SYNJ1: variants seen among roughly 807,000 people sequenced by gnomAD.
SYNJ1 encodes the protein polyphosphatidylinositol phosphatase SYNJ1.
A neutral mutation model predicts 168.2 loss-of-function variants in SYNJ1; 78 were observed. The observed-to-expected ratio is 0.46, with a 90% CI of 0.39 to 0.56. The LOEUF (loss-of-function observed/expected upper bound fraction) is 0.56, where lower values mean the gene tolerates loss of function less well. Among genes scored for constraint, SYNJ1 ranks in the 20% least tolerant of loss-of-function variants. SYNJ1 has a pLI of 0.00. For missense variants in SYNJ1, 1,303 were observed against 1,597.6 expected (o/e 0.82, Z 3.14); for synonymous variants, 539 against 548.6 (o/e 0.98, Z 0.24).
chr21:32,647,719 T>C (rs1404326567), intron 23 of SYNJ1, among the ~76,000 whole-genome samples: 1 of 152,154 alleles, frequency 6.6e-6, no homozygotes, highest in African/African-American at 2.4e-5. Context: ...CATAACCCCA[T>C]CCCTGCACTG....
rs112073904 is a variant in SYNJ1 at position 32,664,119 on chromosome 21, T to C, written c.2304+794A>G. On this transcript the variant is annotated intron_variant, in intron 18 of 32. Coordinates refer to ENST00000674351, the MANE Select transcript of SYNJ1 (RefSeq NM_203446.3). ...ATAATAGTAATAGGAACCTGCTTAC[T>C]GCTCCCTTGTTTGCTACTTGTACTT... Among the ~76,000 whole-genome samples, 11 of 152,364 alleles carry C rather than the reference T, an allele frequency of 7.2e-5. 1 individual carries two copies. Among genetic ancestry groups the C allele is most frequent in the African/African-American group, 2.6e-4 (11 of 41,594 alleles).
intron 3 of SYNJ1, among the ~76,000 whole-genome samples, chr21:32,700,321 C>G (rs556809406): frequency 6.6e-6 from 1 of 152,154 alleles, no homozygotes; most frequent in East Asian, 1.9e-4. Context: ...TAATCTCACA[C>G]GAAATTGTTC....
intron 26 of SYNJ1, among the ~76,000 whole-genome samples, chr21:32,643,723 T>TA (rs2039947191): frequency 1.3e-5 from 2 of 152,178 alleles, no homozygotes; most frequent in African/African-American, 4.8e-5. Flanking sequence ...GTAGGGAATT[T>TA]AAAAAATATG....
chr21:32,641,746 G>A (rs1486590737), intron 29 of SYNJ1, 150 bp downstream of exon 29: 15 of 544,748 alleles, frequency 2.8e-5, no homozygotes, highest in African/African-American at 1.9e-5. Context: ...TGTTAGAGTC[G>A]GAAGATCATC....
chr21:32,678,534 A>G, intron 12 of SYNJ1, 111 bp downstream of exon 12: 1 of 1,179,464 alleles, frequency 8.5e-7, no homozygotes, highest in Non-Finnish European at 1.1e-6. Flanking sequence ...CTTTACAGAA[A>G]TCCCTTCAAA....
intron 9 of SYNJ1, 42 bp downstream of exon 9, chr21:32,685,706 T>G: frequency 7.1e-7 from 1 of 1,414,022 alleles, no homozygotes; most frequent in Non-Finnish European, 9.3e-7. Context: ...AATTTTTAAT[T>G]AATGTTCCAA....
At position 32,646,624 on chromosome 21, in the gene SYNJ1, C is replaced by G. The variant is rs373807540; in HGVS notation, c.3038-22G>C. ...TCACCTAAGGAAAAGCAGGCTTGATCAGAGATAACTCCATTTTAACTTGCT... is the reference window on the plus strand; with the variant it reads ...TCACCTAAGGAAAAGCAGGCTTGATGAGAGATAACTCCATTTTAACTTGCT... On this transcript the variant is annotated intron_variant, in intron 23 of 32. Transcript: ENST00000674351. 5.8e-5 allele frequency: 92 copies of G among 1,583,136 alleles called. No individual in the cohort carries two copies. The African/African-American group carries it at 1.2e-3, about 20-fold the overall frequency.
intron 2 of SYNJ1, among the ~76,000 whole-genome samples, chr21:32,719,846 T>G (rs1164605315): frequency 1.3e-5 from 2 of 152,108 alleles, no homozygotes; most frequent in Admixed American, 1.3e-4. Context: ...TTTTTTTTTT[T>G]GAACAGCTAC....
intron 21 of SYNJ1, among the ~76,000 whole-genome samples, chr21:32,656,477 T>G (rs2040460270): frequency 6.6e-6 from 1 of 152,184 alleles, no homozygotes; most frequent in Non-Finnish European, 1.5e-5. Context: ...TTAAACTTTC[T>G]AAGTTGAGAA....
At chr21:32,657,286 G>C (rs1461975140) in intron 19 of SYNJ1, among the ~76,000 whole-genome samples, 166 bp from the exon 20 acceptor site, 1 of 152,170 alleles carries the variant, frequency 6.6e-6, no homozygotes, top group Non-Finnish European at 1.5e-5. Context: ...AAATTCGAAA[G>C]GTTTTGGTAA....
At chr21:32,665,892 TTAAAA>T in intron 17 of SYNJ1, 46 bp downstream of exon 17, 1 of 1,494,048 alleles carries the variant, frequency 6.7e-7, no homozygotes, top group Non-Finnish European at 8.9e-7. Flanking sequence ...TTGGGGCAAA[TTAAAA>T]TATATTTCAA....
chr21:32,710,630 T>C (rs998435579), intron 2 of SYNJ1, among the ~76,000 whole-genome samples: 1 of 152,256 alleles, frequency 6.6e-6, no homozygotes, highest in East Asian at 1.9e-4. Flanking sequence ...GCTCAAGCGA[T>C]TCTCCCGCCT....
chr21:32,687,421 G>A lies in SYNJ1; in HGVS notation c.852-347C>T, dbSNP rs115321181. Among the ~76,000 whole-genome samples the A allele has an allele frequency of 1.2e-3, 179 of 152,308 alleles. 1 individual carries two copies. Among genetic ancestry groups the A allele is most frequent in the African/African-American group, 4.1e-3 (172 of 41,562 alleles). ...GATGGCAAAGGGCTGCTGCTCACAT[G>A]TGAGGACATCACCTACTCCGTTGAG... On this transcript the variant is annotated intron_variant, in intron 7 of 32. Coordinates refer to ENST00000674351, the MANE Select transcript of SYNJ1 (RefSeq NM_203446.3).
intron 25 of SYNJ1, 68 bp from the exon 26 acceptor site, chr21:32,645,074 G>C (rs1165840267): frequency 6.8e-7 from 1 of 1,466,482 alleles, no homozygotes; most frequent in African/African-American, 1.4e-5. Context: ...AAATGTCAAA[G>C]ATTGCTATAG....
Position 32,656,816 on chromosome 21 carries a change from T to G in SYNJ1, c.2666A>C (p.Gln889Pro). The change falls in exon 21 of 33, where the codon CAG (glutamine) becomes CCG (proline). Residue 889 changes from glutamine (Q) to proline (P), a missense_variant. Gln to Pro is a moderately conservative substitution (Grantham distance 76). Around this residue, in one of 2 missense-constraint regions of SYNJ1, gnomAD observed 920 missense variants for 1,208.8 expected, o/e 0.76. Coordinates refer to ENST00000674351, the MANE Select transcript of SYNJ1 (RefSeq NM_203446.3). ...CAATACTGTACCATCTGGTGGACCC[T>G]GAACTGCAATTACTTCTTTATAAAT... ...QNIYKEVIAV[Q>P]GPPDGTVLVS... 1 of 1,614,194 alleles carries G rather than the reference T, an allele frequency of 6.2e-7. No homozygotes were observed. The highest frequency in any genetic ancestry group is 2.2e-5 in the East Asian group (1 of 44,872).
chr21:32,669,139 C>T lies in SYNJ1; in HGVS notation c.1811+1149G>A, dbSNP rs555103102. On this transcript the variant is annotated intron_variant, in intron 15 of 32. Transcript: ENST00000674351. ...ACAAAGCACTTGTGTTGCATACTGA[C>T]TTATGATCTGTAACAAAAAAAGAAA... 2.6e-5 allele frequency among the ~76,000 whole-genome samples: 4 copies of T among 152,242 alleles called. No individual in the cohort carries two copies. The South Asian group carries it at 8.3e-4, about 32-fold the overall frequency.
intron 10 of SYNJ1, among the ~76,000 whole-genome samples, chr21:32,683,094 A>G (rs2041684279): frequency 6.6e-6 from 1 of 152,118 alleles, no homozygotes; most frequent in South Asian, 2.1e-4. Flanking sequence ...CTAATTAACC[A>G]ATACTCAGGT....
intron 22 of SYNJ1, 77 bp from the exon 23 acceptor site, chr21:32,650,423 T>A: frequency 7.6e-7 from 1 of 1,322,568 alleles, no homozygotes; most frequent in Non-Finnish European, 1.0e-6. Flanking sequence ...CTGACTTCGT[T>A]AAACTATGCA....
rs138687277 is a variant in SYNJ1, at chr21:32,667,452, T to C, written c.1812-879A>G. ...AAACATTAATAATTCCTTAATATCA[T>C]CTAATAGTTTATACTTAAAGTTCCC... On this transcript the variant is annotated intron_variant, in intron 15 of 32. Coordinates refer to ENST00000674351, the MANE Select transcript of SYNJ1 (RefSeq NM_203446.3). Among the ~76,000 whole-genome samples, 528 of 152,292 alleles carry C rather than the reference T, an allele frequency of 3.5e-3. 5 individuals are homozygous for C. Among genetic ancestry groups the C allele is most frequent in the South Asian group, 0.035 (167 of 4,826 alleles).
Sources: gnomAD v4.1 joint callset for allele counts (sites outside exome capture counted in the v4.1 genomes callset) on GRCh38, gnomAD v4.1.1 for gene constraint, gnomAD v4.1.1 regional missense constraint, MANE v1.5 for transcripts, NCBI Gene and HGNC (gene_info 2026-07-23, HGNC 2026-07-21) for gene names.